The following ACCSL variants were observed in gnomAD, a reference collection of about 807,000 sequenced individuals.
ACCSL encodes the protein 1-aminocyclopropane-1-carboxylate synthase homolog (inactive) like.
A neutral mutation model predicts 61.7 loss-of-function variants in ACCSL; 55 were observed. The observed-to-expected ratio is 0.89, with a 90% CI of 0.72 to 1.12. The LOEUF (loss-of-function observed/expected upper bound fraction) is 1.12, where lower values mean the gene tolerates loss of function less well. Ranked by LOEUF, ACCSL falls within the 50% of genes most tolerant of loss-of-function variation. ACCSL has a pLI of 0.00. For missense variants in ACCSL, 632 were observed against 698.0 expected, an observed-to-expected ratio of 0.91 and a Z score of 1.07; for synonymous variants, 258 against 264.3, an observed-to-expected ratio of 0.98 and a Z score of 0.23.
the ACCSL span, among the ~76,000 whole-genome samples, chr11:44,005,102 G>A: frequency 2.0e-3 from 219 of 108,142 alleles, no homozygotes; most frequent in Non-Finnish European, 3.1e-3. Context: ...TTCGAGTCCC[G>A]GCAAGCTCAC....
At chr11:43,925,112 T>C in the ACCSL span, 1 of 217,042 alleles carries the variant, frequency 4.6e-6, no homozygotes, top group Non-Finnish European at 9.7e-6. Context: ...GAGGCATGAA[T>C]GTGTGGCTTC....
rs780356695 is a variant in ACCSL at position 44,053,456 on chromosome 11, T to A, written c.999T>A (p.Gly333=). The change falls in exon 8 of 14, where the codon GGT becomes GGA. Residue 333 remains glycine, a synonymous_variant. Coordinates refer to ENST00000378832, the MANE Select transcript of ACCSL (RefSeq NM_001031854.2). The part of the protein sequence containing the change: ...LVLINPQNPL[G]DIYSPDSLMK... The stretch of plus-strand genomic sequence containing the variant: ...TAATCAACCCTCAGAATCCTCTGGG[T>A]GACATCTACTCCCCAGACTCACTGA... The A allele has an allele frequency of 1.1e-5, 17 of 1,614,146 alleles. No individual in the cohort carries two copies. Among genetic ancestry groups the A allele is most frequent in the Non-Finnish European group, 1.4e-5 (17 of 1,180,030 alleles).
At chr11:44,023,330 G>A in the ACCSL span, among the ~76,000 whole-genome samples, 1 of 151,792 alleles carries the variant, frequency 6.6e-6, no homozygotes, top group Non-Finnish European at 1.5e-5. Context: ...TGCGATTATA[G>A]GCATGAGCCA....
At chr11:43,992,594 G>C in the ACCSL span, among the ~76,000 whole-genome samples, 5 of 152,190 alleles carry the variant, frequency 3.3e-5, no homozygotes, top group Non-Finnish European at 7.3e-5. Context: ...ATTGGCATTT[G>C]ATTAGAGATA....
rs1405796313 is a variant in ACCSL at position 44,048,455 on chromosome 11, T to A, written c.419T>A (p.Ile140Asn). Residue 140 changes from isoleucine to asparagine, a missense_variant, in exon 1 of 14, where the codon ATT (isoleucine) becomes AAT (asparagine). Transcript: ENST00000378832. ...AACCGCGACCTATCCATCCGTGGGA[T>A]TGACATCTCTGTCTTTTATCAGTCG... ...FVNRDLSIRG[I>N]DISVFYQSSF... The A allele has an allele frequency of 6.2e-7, 1 of 1,613,448 alleles. No homozygotes were observed. Among genetic ancestry groups the A allele is most frequent in the Admixed American group, 1.7e-5 (1 of 59,896 alleles).
intron 8 of ACCSL, among the ~76,000 whole-genome samples, chr11:44,054,569 G>T (rs1305002729): frequency 6.6e-6 from 1 of 151,688 alleles, no homozygotes; most frequent in Non-Finnish European, 1.5e-5. Flanking sequence ...CAATTCTCCT[G>T]CCTCAGCCTC....
At chr11:44,029,387 G>T in the ACCSL span, among the ~76,000 whole-genome samples, 16 of 152,216 alleles carry the variant, frequency 1.1e-4, no homozygotes, top group African/African-American at 3.9e-4. Flanking sequence ...ACCCTTTGCT[G>T]CCTTCAGGTA....
chr11:44,011,828 G>T, the ACCSL span, among the ~76,000 whole-genome samples: 1 of 152,088 alleles, frequency 6.6e-6, no homozygotes, highest in Non-Finnish European at 1.5e-5. Context: ...GAAGTTAAAA[G>T]AACATTCCCT....
At chr11:44,005,747 G>A in the ACCSL span, among the ~76,000 whole-genome samples, 13 of 152,144 alleles carry the variant, frequency 8.5e-5, no homozygotes, top group African/African-American at 2.9e-4. Flanking sequence ...AAGCTGTGCA[G>A]GTAATTACAC....
At chr11:43,925,620 G>A in the ACCSL span, 1 of 366,706 alleles carries the variant, frequency 2.7e-6, no homozygotes, top group African/African-American at 2.1e-5. Flanking sequence ...CTGCCTGCAA[G>A]GGTAGAACTG....
the ACCSL span, among the ~76,000 whole-genome samples, chr11:43,968,190 C>T: frequency 6.6e-6 from 1 of 152,034 alleles, no homozygotes; most frequent in Non-Finnish European, 1.5e-5. Context: ...TTATCTAGCC[C>T]CAAATGTCAA....
chr11:44,016,423 A>G, the ACCSL span, among the ~76,000 whole-genome samples: 1 of 152,072 alleles, frequency 6.6e-6, no homozygotes, highest in Non-Finnish European at 1.5e-5. Context: ...GGGCGAGCAG[A>G]TATTCTGGAG....
the ACCSL span, among the ~76,000 whole-genome samples, chr11:43,977,525 T>G: frequency 2.0e-5 from 3 of 152,256 alleles, no homozygotes; most frequent in African/African-American, 7.2e-5. Context: ...GGAAACAGAT[T>G]TTCTTCCTAG....
the ACCSL span, among the ~76,000 whole-genome samples, chr11:43,954,552 G>A: frequency 7.9e-5 from 12 of 151,792 alleles, no homozygotes; most frequent in Non-Finnish European, 1.8e-4. Context: ...TTCTCTACCT[G>A]GCTGGTGCCA....
the ACCSL span, among the ~76,000 whole-genome samples, chr11:43,963,310 C>A: frequency 1.3e-5 from 2 of 152,198 alleles, no homozygotes; most frequent in Admixed American, 6.5e-5. Context: ...TGAAGCTAGA[C>A]AATTGACAGC....
At chr11:44,003,502 A>G in the ACCSL span, among the ~76,000 whole-genome samples, 4 of 151,894 alleles carry the variant, frequency 2.6e-5, no homozygotes, top group Non-Finnish European at 5.9e-5. Flanking sequence ...AAAGTACAAA[A>G]ATTAGCTGGG....
the ACCSL span, among the ~76,000 whole-genome samples, chr11:43,982,226 C>CCT: frequency 5.8e-5 from 5 of 86,320 alleles, no homozygotes; most frequent in Non-Finnish European, 8.8e-5. Flanking sequence ...CCAAGGCCCT[C>CCT]TTTTTTTTTT....
chr11:43,941,048 G>A, the ACCSL span, among the ~76,000 whole-genome samples: 1 of 152,164 alleles, frequency 6.6e-6, no homozygotes, highest in African/African-American at 2.4e-5. Flanking sequence ...TGTTACCCAG[G>A]GTGGTTGGGA....
chr11:44,004,179 T>G, the ACCSL span, among the ~76,000 whole-genome samples: 9 of 135,160 alleles, frequency 6.7e-5, no homozygotes, highest in South Asian at 2.5e-4. Context: ...CTCCCAGGAG[T>G]GAGTGAGGTG....
Sources: gnomAD v4.1 joint callset for allele counts (sites outside exome capture counted in the v4.1 genomes callset) on GRCh38, gnomAD v4.1.1 for gene constraint, MANE v1.5 for transcripts, NCBI Gene and HGNC (gene_info 2026-07-23, HGNC 2026-07-21) for gene names.